Variants in LMO7 observed in about 807,000 individuals in gnomAD.
The protein encoded by LMO7 is LIM domain 7.
LMO7 carries 120 observed loss-of-function variants against 206.5 expected under a neutral mutation model. The observed-to-expected ratio is 0.58, with a 90% confidence interval of 0.50 to 0.68. The LOEUF (loss-of-function observed/expected upper bound fraction) is 0.68, where lower values mean the gene tolerates loss of function less well. LMO7 is among the 30% of genes least tolerant of loss of function. The pLI, the probability that LMO7 is intolerant of heterozygous loss-of-function variation, is 0.00. For synonymous variants in LMO7, 706 were observed against 681.5 expected (o/e 1.04, Z -0.56); for missense variants, 1,959 against 1,957.9 (o/e 1.00, Z -0.01).
intron 1 of LMO7, among the ~76,000 whole-genome samples, chr13:75,693,812 C>T (rs1049223442): frequency 3.3e-5 from 5 of 152,136 alleles, no homozygotes; most frequent in East Asian, 1.9e-4. Flanking sequence ...TTTTCTTTCT[C>T]ACCCTCTCCT....
chr13:75,834,869 C>T (rs2138988710), intron 17 of LMO7, among the ~76,000 whole-genome samples: 1 of 152,256 alleles, frequency 6.6e-6, no homozygotes, highest in African/African-American at 2.4e-5. Flanking sequence ...TAAGCCTCTG[C>T]AGACCTACCA....
At chr13:75,715,158 G>T (rs2043432276) in intron 2 of LMO7, among the ~76,000 whole-genome samples, 1 of 152,150 alleles carries the variant, frequency 6.6e-6, no homozygotes, top group African/African-American at 2.4e-5. Flanking sequence ...ATGACTACCA[G>T]GTTTTGATTT....
intron 15 of LMO7, among the ~76,000 whole-genome samples, chr13:75,828,425 A>G (rs1295606445): frequency 1.3e-5 from 2 of 152,216 alleles, no homozygotes; most frequent in African/African-American, 4.8e-5. Context: ...CCTTATGTAT[A>G]GTTAAGAGAC....
upstream of LMO7, among the ~76,000 whole-genome samples, chr13:75,632,862 G>GTTTTTTGT (rs375132994): frequency 1.0e-3 from 107 of 102,152 alleles, 7 homozygotes; most frequent in African/African-American, 3.9e-3. Flanking sequence ...TTACTTAAAA[G>GTTTTTTGT]TTTTTTTTTT....
intron 15 of LMO7, 144 bp downstream of exon 15, chr13:75,824,017 T>C: frequency 3.0e-6 from 2 of 672,022 alleles, no homozygotes. Context: ...TTTGAACAGA[T>C]CTTGGAGGAA....
intron 2 of LMO7, among the ~76,000 whole-genome samples, chr13:75,725,542 G>A (rs934584320): frequency 1.3e-5 from 2 of 152,002 alleles, no homozygotes; most frequent in African/African-American, 4.8e-5. Context: ...TGTTAATAGG[G>A]AACAACTAGA....
chr13:75,755,769 C>T (rs566980020), intron 3 of LMO7, among the ~76,000 whole-genome samples: 1 of 152,262 alleles, frequency 6.6e-6, no homozygotes, highest in South Asian at 2.1e-4. Flanking sequence ...GTGATTCTCA[C>T]TTTGTGATAT....
intron 1 of LMO7, among the ~76,000 whole-genome samples, chr13:75,695,530 A>G (rs1000092848): frequency 2.6e-5 from 4 of 152,218 alleles, no homozygotes; most frequent in African/African-American, 9.6e-5. Flanking sequence ...TATTTTTAAT[A>G]GAGACGGGGT....
At chr13:75,755,338 T>G (rs931808737) in intron 3 of LMO7, among the ~76,000 whole-genome samples, 6 of 152,182 alleles carry the variant, frequency 3.9e-5, no homozygotes, top group African/African-American at 1.4e-4. Context: ...GAAAGAAATC[T>G]CTTGTTGTTT....
intron 4 of LMO7, among the ~76,000 whole-genome samples, chr13:75,771,788 A>T (rs1336479608): frequency 2.0e-5 from 3 of 152,116 alleles, no homozygotes; most frequent in Admixed American, 2.0e-4. Flanking sequence ...ATTTTATACA[A>T]ATAATTAAAG....
rs73225910 is a variant in LMO7 at position 75,649,635 on chromosome 13, G to A, written c.69+12909G>A. On this transcript the variant is annotated intron_variant, in intron 1 of 30. Transcript: ENST00000377534. ...GGGGCAGGTACTCCATGAAGGAAGAGGTCAGAAGAGCTATCCAAGAAATCA... is the reference window on the plus strand; with the variant it reads ...GGGGCAGGTACTCCATGAAGGAAGAAGTCAGAAGAGCTATCCAAGAAATCA... Among the ~76,000 whole-genome samples, 1,335 of 151,586 alleles carry A rather than the reference G, an allele frequency of 8.8e-3. 10 individuals are homozygous for A. The highest frequency in any genetic ancestry group is 0.014 in the Middle Eastern group (4 of 294).
intron 1 of LMO7, among the ~76,000 whole-genome samples, chr13:75,665,789 A>G (rs1298707499): frequency 6.6e-6 from 1 of 152,188 alleles, no homozygotes; most frequent in Non-Finnish European, 1.5e-5. Flanking sequence ...GGCCTCCCAA[A>G]GTGCTGGGAT....
At chr13:75,693,666 T>G (rs1232233551) in intron 1 of LMO7, among the ~76,000 whole-genome samples, 1 of 152,214 alleles carries the variant, frequency 6.6e-6, no homozygotes, top group Non-Finnish European at 1.5e-5. Context: ...TCAAGGCATT[T>G]GTTAGGTCTT....
At chr13:75,709,884 C>T (rs2042951037) in intron 1 of LMO7, among the ~76,000 whole-genome samples, 1 of 152,138 alleles carries the variant, frequency 6.6e-6, no homozygotes, top group African/African-American at 2.4e-5. Context: ...ATGCCTATGT[C>T]CTGAATGGTA....
At chr13:75,621,838 T>C in exon 1 of LMO7, 1 of 1,607,828 alleles carries the variant, frequency 6.2e-7, no homozygotes, top group African/African-American at 1.3e-5. Context: ...GGGTTGGCTG[T>C]ATCTCAGGGA....
chr13:75,837,138 TG>T (rs900082452), intron 19 of LMO7, among the ~76,000 whole-genome samples: 55 of 152,342 alleles, frequency 3.6e-4, no homozygotes, highest in African/African-American at 1.1e-3. Context: ...CACAGTGCTT[TG>T]GTGGCTTTAA....
At chr13:75,770,913 C>T (rs1318408328) in intron 4 of LMO7, among the ~76,000 whole-genome samples, 2 of 152,010 alleles carry the variant, frequency 1.3e-5, no homozygotes, top group African/African-American at 2.4e-5. Context: ...TTTTTCATTC[C>T]TGGGGTATCT....
chr13:75,768,222 C>G (rs2049156542), intron 4 of LMO7, among the ~76,000 whole-genome samples: 1 of 152,100 alleles, frequency 6.6e-6, no homozygotes, highest in Non-Finnish European at 1.5e-5. Flanking sequence ...AATCTGGCCT[C>G]TGGCTGCTTA....
chr13:75,741,896 G>A (rs1452676062), intron 3 of LMO7, among the ~76,000 whole-genome samples: 1 of 152,094 alleles, frequency 6.6e-6, no homozygotes, highest in Non-Finnish European at 1.5e-5. Flanking sequence ...TCAATCAAGA[G>A]AAATAAGTGG....
Sources: gnomAD v4.1 joint callset for allele counts (sites outside exome capture counted in the v4.1 genomes callset) on GRCh38, gnomAD v4.1.1 for gene constraint, MANE v1.5 for transcripts, NCBI Gene and HGNC (gene_info 2026-07-23, HGNC 2026-07-21) for gene names.